The following TMOD4 variants were observed in gnomAD, a reference collection of about 807,000 sequenced individuals.
TMOD4 encodes tropomodulin 4, also known as tropomodulin-4.
Under a neutral mutation model 45.4 loss-of-function variants are expected in TMOD4, and 34 were observed. That is an observed-to-expected ratio of 0.75 (90% confidence interval 0.57 to 1.00). The LOEUF (loss-of-function observed/expected upper bound fraction) is 1.00. Ranked by LOEUF, TMOD4 falls within the 50% of genes least tolerant of loss-of-function variation. TMOD4 has a pLI of 0.00. For missense variants in TMOD4, 399 were observed against 437.5 expected (o/e 0.91, Z 0.78); for synonymous variants, 131 against 153.9 (o/e 0.85, Z 1.10).
intron 4 of TMOD4, among the ~76,000 whole-genome samples, chr1:151,173,099 G>A (rs927825851): frequency 1.3e-5 from 2 of 152,092 alleles, no homozygotes; most frequent in Admixed American, 1.3e-4. Flanking sequence ...GGGATTACAG[G>A]TGTGAGCCAC....
At chr1:151,171,837 T>TA in intron 5 of TMOD4, 74 bp from the exon 6 acceptor site, 1 of 1,494,416 alleles carries the variant, frequency 6.7e-7, no homozygotes, top group Non-Finnish European at 8.9e-7. Context: ...TCTTTTCTTT[T>TA]CTTTTTTTTT....
Position 151,170,104 on chromosome 1 carries a change from C to G in TMOD4, c.1016-1G>C, listed in dbSNP as rs113603232. The G allele has an allele frequency of 1.2e-6, 2 of 1,614,176 alleles. No individual in the cohort carries two copies. The highest frequency in any genetic ancestry group is 1.7e-6 in the Non-Finnish European group (2 of 1,180,018). On this transcript the variant is annotated splice_acceptor_variant, in intron 9 of 9. Coordinates refer to ENST00000295314, the MANE Select transcript of TMOD4 (RefSeq NM_013353.3). LOFTEE classifies it high-confidence loss of function. The stretch of plus-strand genomic sequence containing the variant: ...TGTTATCTCTTCTTTTGCTGGCGAC[C>G]TGTAAAGGAGCAATATTAAACATAA...
chr1:151,175,012 T>C lies in TMOD4; in HGVS notation c.-42-95A>G, dbSNP rs150351809. ...CCAGCCAGGGGGGCAGAACATTGGA[T>C]TGGATTTCTTGGAGATTAGAAGTCT... is the stretch of plus-strand genomic sequence containing the variant. On this transcript the variant is annotated intron_variant, in intron 1 of 9. Coordinates refer to ENST00000295314, the MANE Select transcript of TMOD4 (RefSeq NM_013353.3). 5.1e-5 allele frequency: 48 copies of C among 949,248 alleles called. No homozygotes were observed. In the African/African-American group the frequency reaches 6.4e-4, roughly 13 times the overall value. The allele number at this position is 949,248 out of a possible 1,614,324, so 58.8% of individuals were successfully genotyped here.
chr1:151,175,098 C>G, intron 1 of TMOD4, 181 bp from the exon 2 acceptor site: 4 of 518,378 alleles, frequency 7.7e-6, no homozygotes, highest in Non-Finnish European at 1.4e-5. Flanking sequence ...AGTCTCCTTT[C>G]TGCTTCCCCA....
At chr1:151,170,332 C>T in intron 9 of TMOD4, 187 bp downstream of exon 9, 1 of 899,202 alleles carries the variant, frequency 1.1e-6, no homozygotes, top group South Asian at 1.6e-5. Flanking sequence ...TACCTCTCTA[C>T]TGGTCCATAT....
chr1:151,171,608 G>A, intron 6 of TMOD4, 25 bp downstream of exon 6: 1 of 1,614,130 alleles, frequency 6.2e-7, no homozygotes, highest in Non-Finnish European at 8.5e-7. Flanking sequence ...CCGGTGTTAT[G>A]GTTTGGAGGA....
intron 1 of TMOD4, chr1:151,175,368 C>G (rs888687169): frequency 6.5e-6 from 1 of 153,634 alleles, no homozygotes; most frequent in African/African-American, 2.4e-5. Flanking sequence ...TTTCCTAAAC[C>G]GGATAAAAAA....
At chr1:151,171,581 C>T (rs28730723) in intron 6 of TMOD4, 41 bp from the exon 7 acceptor site, 272,534 of 1,613,876 alleles carry the variant, frequency 0.17, 24,663 homozygotes, top group South Asian at 0.21. Context: ...AAGGGACTCT[C>T]GGATGTCAGT....
intron 9 of TMOD4, 85 bp from the exon 10 acceptor site, chr1:151,170,188 C>T: frequency 1.3e-6 from 2 of 1,535,654 alleles, no homozygotes; most frequent in South Asian, 1.1e-5. Flanking sequence ...AGTCCCTTAG[C>T]CAAACTCATA....
At chr1:151,170,261 C>A in intron 9 of TMOD4, 158 bp from the exon 10 acceptor site, 1 of 899,918 alleles carries the variant, frequency 1.1e-6, no homozygotes, top group Non-Finnish European at 1.7e-6. Flanking sequence ...AAACAAGAAA[C>A]CACACCACAA....
At chr1:151,171,298 G>A (rs1454482262) in intron 7 of TMOD4, 135 bp downstream of exon 7, 1 of 860,252 alleles carries the variant, frequency 1.2e-6, no homozygotes, top group East Asian at 2.5e-5. Context: ...TAGCACTGAA[G>A]GTAGGAGTCT....
chr1:151,173,023 G>T (rs1230736753), intron 4 of TMOD4, among the ~76,000 whole-genome samples: 1 of 151,984 alleles, frequency 6.6e-6, no homozygotes, highest in Non-Finnish European at 1.5e-5. Context: ...GGGTTTCACC[G>T]TGTTAGCCAG....
chr1:151,172,415 C>T (rs28730724), intron 4 of TMOD4, 58 bp from the exon 5 acceptor site: 80,054 of 1,335,538 alleles, frequency 0.06, 2,862 homozygotes, highest in Non-Finnish European at 0.07. Context: ...TCCAAGCCTC[C>T]CTCCTACCTA....
At chr1:151,172,801 T>A (rs1247355865) in intron 4 of TMOD4, among the ~76,000 whole-genome samples, 2 of 152,008 alleles carry the variant, frequency 1.3e-5, no homozygotes, top group African/African-American at 4.8e-5. Context: ...CCTGGCTAAT[T>A]TTTTTTGTTG....
At position 151,171,776 on chromosome 1, in the gene TMOD4, G is replaced by A; in HGVS notation, c.488-13C>T. The A allele has an allele frequency of 6.2e-7, 1 of 1,611,704 alleles. No individual in the cohort carries two copies. Among genetic ancestry groups the A allele is most frequent in the Non-Finnish European group, 8.5e-7 (1 of 1,178,982 alleles). On this transcript the variant is annotated splice_polypyrimidine_tract_variant and intron_variant, in intron 5 of 9. Coordinates refer to ENST00000295314, the MANE Select transcript of TMOD4 (RefSeq NM_013353.3). ...GGCTGTACCACACCTGGTGAATGAG[G>A]GCAGGAAGGGAACCCCAACATGTTC...
chr1:151,175,098 C>T (rs1684063509), intron 1 of TMOD4, 181 bp from the exon 2 acceptor site: 4 of 518,260 alleles, frequency 7.7e-6, no homozygotes, highest in Non-Finnish European at 1.4e-5. Flanking sequence ...AGTCTCCTTT[C>T]TGCTTCCCCA....
At chr1:151,170,350 A>AG in intron 9 of TMOD4, 169 bp downstream of exon 9, 2 of 1,040,870 alleles carry the variant, frequency 1.9e-6, no homozygotes, top group Non-Finnish European at 2.8e-6. Flanking sequence ...TATTTGGGGC[A>AG]GGGGGAGTTT....
intron 1 of TMOD4, chr1:151,175,604 C>T (rs1684077147): frequency 6.6e-6 from 1 of 152,116 alleles, no homozygotes; most frequent in South Asian, 2.1e-4. Context: ...GAAGGTGACA[C>T]CAGACCAATG....
intron 3 of TMOD4, 119 bp from the exon 4 acceptor site, chr1:151,173,734 C>T (rs1684022290): frequency 4.1e-6 from 3 of 733,464 alleles, no homozygotes; most frequent in Admixed American, 4.4e-5. Flanking sequence ...ACTGGAAAGC[C>T]TGAGTCCTCT....
Sources: gnomAD v4.1 joint callset for allele counts (sites outside exome capture counted in the v4.1 genomes callset) on GRCh38, gnomAD v4.1.1 for gene constraint, MANE v1.5 for transcripts, NCBI Gene and HGNC (gene_info 2026-07-23, HGNC 2026-07-21) for gene names.